Variants in ADK observed in about 807,000 individuals in gnomAD.
ADK encodes the protein adenosine kinase.
A neutral mutation model predicts 44.7 loss-of-function variants in ADK; 24 were observed. The observed-to-expected ratio is 0.54, with a 90% CI of 0.39 to 0.76. The LOEUF is 0.76. Among genes scored for constraint, ADK ranks in the 30% least tolerant of loss-of-function variants. The pLI is 0.00. For synonymous variants in ADK, 128 were observed against 142.6 expected (o/e 0.90, Z 0.73); for missense variants, 321 against 425.1 (o/e 0.76, Z 2.15).
intron 7 of ADK, among the ~76,000 whole-genome samples, chr10:74,549,825 A>G (rs1849967107): frequency 6.6e-6 from 1 of 152,204 alleles, no homozygotes; most frequent in Non-Finnish European, 1.5e-5. Context: ...ACAGGCGTTA[A>G]TTATTGACAT....
chr10:74,402,603 T>C (rs1259416199), intron 6 of ADK, among the ~76,000 whole-genome samples: 1 of 152,208 alleles, frequency 6.6e-6, no homozygotes, highest in Non-Finnish European at 1.5e-5. Context: ...TCAGGTCATT[T>C]AAGGTCTTAT....
intron 9 of ADK, among the ~76,000 whole-genome samples, chr10:74,667,262 C>T (rs1854993211): frequency 1.3e-5 from 2 of 151,936 alleles, no homozygotes; most frequent in Non-Finnish European, 2.9e-5. Context: ...TCTTGTAGTT[C>T]TTTAGATAAT....
intron 4 of ADK, chr10:74,371,432 A>C: frequency 1.6e-6 from 1 of 616,226 alleles, no homozygotes; most frequent in South Asian, 2.0e-5. Context: ...AGTCCCCTAC[A>C]GATCTATTAG....
intron 7 of ADK, among the ~76,000 whole-genome samples, chr10:74,548,412 C>A (rs1849913708): frequency 6.6e-6 from 1 of 152,020 alleles, no homozygotes; most frequent in African/African-American, 2.4e-5. Flanking sequence ...GGAAAATTGC[C>A]AGATAAAGAG....
In ADK at chr10:74,525,305, A is replaced by G; in HGVS notation, c.605A>G (p.His202Arg). 1 of 1,613,776 alleles carries G rather than the reference A, an allele frequency of 6.2e-7. No homozygotes were observed. The highest frequency in any genetic ancestry group is 8.5e-7 in the Non-Finnish European group (1 of 1,179,862). Residue 202 changes from histidine to arginine, a missense_variant, in exon 7 of 11, where the codon CAT becomes CGT. Coordinates refer to ENST00000539909, the MANE Select transcript of ADK (RefSeq NM_006721.4). ...SPESVLKVAH[H>R]ASENNRIFTL... ...GAGTCAGTATTAAAGGTGGCTCACC[A>G]TGCTTCTGAAAACAACAGGATTTTC... is the stretch of plus-strand genomic sequence containing the variant.
chr10:74,190,981 CTT>C (rs61491732), intron 1 of ADK, among the ~76,000 whole-genome samples: 10 of 134,922 alleles, frequency 7.4e-5, no homozygotes, highest in Admixed American at 7.6e-5. Context: ...CTATTTTTGA[CTT>C]TTTTTTTTTT....
At chr10:74,691,777 G>GT (rs1399954700) in intron 10 of ADK, among the ~76,000 whole-genome samples, 1 of 152,024 alleles carries the variant, frequency 6.6e-6, no homozygotes, top group Admixed American at 6.6e-5. Flanking sequence ...ATTTGGGGAG[G>GT]TTTTTCTTTT....
intron 6 of ADK, among the ~76,000 whole-genome samples, chr10:74,410,937 T>C (rs1281144079): frequency 4.6e-5 from 7 of 152,332 alleles, no homozygotes; most frequent in South Asian, 4.1e-4. Flanking sequence ...TATAATATTC[T>C]TCTGTGATTA....
intron 4 of ADK, among the ~76,000 whole-genome samples, chr10:74,364,981 C>A (rs1842455586): frequency 6.6e-6 from 1 of 152,012 alleles, no homozygotes; most frequent in African/African-American, 2.4e-5. Context: ...CCTGGCTGTC[C>A]TCCAGTCTGT....
chr10:74,351,915 A>C (rs1235746977), intron 4 of ADK, among the ~76,000 whole-genome samples: 1 of 152,220 alleles, frequency 6.6e-6, no homozygotes, highest in East Asian at 1.9e-4. Flanking sequence ...AAAATAAGAG[A>C]GGATGCAAAC....
intron 3 of ADK, among the ~76,000 whole-genome samples, chr10:74,299,513 G>GAA (rs1839929158): frequency 1.4e-5 from 1 of 69,288 alleles, no homozygotes. Context: ...AAAAAAAAAA[G>GAA]AAATATATAT....
At chr10:74,552,013 GTAT>G (rs777674768) in intron 7 of ADK, among the ~76,000 whole-genome samples, 2 of 151,610 alleles carry the variant, frequency 1.3e-5, no homozygotes, top group Non-Finnish European at 2.9e-5. Flanking sequence ...ATGGTTTTTT[GTAT>G]TATTATTATT....
intron 7 of ADK, among the ~76,000 whole-genome samples, chr10:74,534,558 A>G (rs146953775): frequency 6.6e-6 from 1 of 152,356 alleles, no homozygotes; most frequent in East Asian, 1.9e-4. Context: ...ATAATGCTTT[A>G]AAGTTAAAAA....
chr10:74,318,746 G>T (rs1840713123), intron 4 of ADK, among the ~76,000 whole-genome samples: 1 of 152,034 alleles, frequency 6.6e-6, no homozygotes, highest in Non-Finnish European at 1.5e-5. Flanking sequence ...TAAACACAAG[G>T]GATATGATTC....
chr10:74,483,834 T>C (rs888625865), intron 6 of ADK, among the ~76,000 whole-genome samples: 6 of 152,216 alleles, frequency 3.9e-5, no homozygotes, highest in Non-Finnish European at 7.3e-5. Context: ...TGCCAAGAAG[T>C]TCCTCATCTC....
At chr10:74,583,118 T>G (rs546750967) in intron 7 of ADK, among the ~76,000 whole-genome samples, 1 of 152,352 alleles carries the variant, frequency 6.6e-6, no homozygotes, top group South Asian at 2.1e-4. Flanking sequence ...ACTCATAGTT[T>G]GAAGGACAGC....
chr10:74,317,683 C>T (rs2131812867), intron 4 of ADK, among the ~76,000 whole-genome samples: 1 of 151,902 alleles, frequency 6.6e-6, no homozygotes, highest in South Asian at 2.1e-4. Context: ...AATATGGGAC[C>T]AAAGGAATGC....
At chr10:74,239,780 A>G (rs142159102) in intron 3 of ADK, among the ~76,000 whole-genome samples, 164 of 151,826 alleles carry the variant, frequency 1.1e-3, no homozygotes, top group Non-Finnish European at 1.9e-3. Flanking sequence ...TCTGGAAAAA[A>G]CAAAATAGGC....
chr10:74,543,830 G>A (rs1039947836), intron 7 of ADK, among the ~76,000 whole-genome samples: 11 of 151,516 alleles, frequency 7.3e-5, no homozygotes, highest in African/African-American at 2.7e-4. Flanking sequence ...ATTCTTTAAG[G>A]TACAGATTTT....
Sources: gnomAD v4.1 joint callset for allele counts (sites outside exome capture counted in the v4.1 genomes callset) on GRCh38, gnomAD v4.1.1 for gene constraint, MANE v1.5 for transcripts, NCBI Gene and HGNC (gene_info 2026-07-23, HGNC 2026-07-21) for gene names.